Variants in SERGEF observed in about 807,000 individuals in gnomAD.
The protein encoded by SERGEF is secretion regulating guanine nucleotide exchange factor.
Under a neutral mutation model 50.0 loss-of-function variants are expected in SERGEF, and 51 were observed. The ratio of observed to expected loss-of-function variants is 1.02; its 90% CI spans 0.81 to 1.29. The LOEUF (loss-of-function observed/expected upper bound fraction) is 1.29. Ranked by LOEUF, SERGEF falls within the 50% of genes most tolerant of loss-of-function variation. The pLI is 0.00. For missense variants in SERGEF, 521 were observed against 557.0 expected (o/e 0.94, Z 0.65); for synonymous variants, 205 against 212.4 (o/e 0.97, Z 0.30).
intron 9 of SERGEF, chr11:17,918,621 A>G (rs976926875): frequency 1.6e-5 from 3 of 182,396 alleles, no homozygotes; most frequent in South Asian, 8.2e-5. Flanking sequence ...ATAAAGCAGG[A>G]ACAGACACAC....
At chr11:18,005,262 T>C (rs553198400) in intron 3 of SERGEF, among the ~76,000 whole-genome samples, 4 of 152,222 alleles carry the variant, frequency 2.6e-5, no homozygotes, top group Admixed American at 6.5e-5. Context: ...TTATAAATGA[T>C]AGTTATTGTT....
chr11:17,949,271 A>T (rs1183957673), intron 9 of SERGEF, among the ~76,000 whole-genome samples: 1 of 152,158 alleles, frequency 6.6e-6, no homozygotes, highest in Admixed American at 6.5e-5. Context: ...TTTGGGGAAG[A>T]TGGGGAACTA....
chr11:17,841,950 T>A (rs990506964), intron 10 of SERGEF, among the ~76,000 whole-genome samples: 1 of 152,216 alleles, frequency 6.6e-6, no homozygotes, highest in African/African-American at 2.4e-5. Flanking sequence ...CAGATGTCAA[T>A]TCCTCAGCAA....
In SERGEF at chr11:17,985,798, C is replaced by T. The variant is rs1194378989; in HGVS notation, c.844+2799G>A. ...GACAATCTATAAAGTTATTCTGATACCATGTGAACTGCCTTAGCTAAGCAC... is the reference window on the plus strand; with the variant it reads ...GACAATCTATAAAGTTATTCTGATATCATGTGAACTGCCTTAGCTAAGCAC... On this transcript the variant is annotated intron_variant, in intron 8 of 10. Coordinates refer to ENST00000265965, the MANE Select transcript of SERGEF (RefSeq NM_012139.4). Among the ~76,000 whole-genome samples the T allele has an allele frequency of 3.3e-5, 5 of 152,298 alleles. No homozygotes were observed. In the East Asian group the frequency reaches 9.6e-4, roughly 29 times the overall value.
chr11:17,980,016 T>C (rs1290850838), intron 8 of SERGEF, among the ~76,000 whole-genome samples: 2 of 152,052 alleles, frequency 1.3e-5, no homozygotes, highest in African/African-American at 4.8e-5. Flanking sequence ...TCTACTCCAA[T>C]TCACCCTGAA....
chr11:17,985,749 G>C (rs1340420957), intron 8 of SERGEF, among the ~76,000 whole-genome samples: 1 of 152,206 alleles, frequency 6.6e-6, no homozygotes, highest in Non-Finnish European at 1.5e-5. Flanking sequence ...GGAGGGCAGA[G>C]AACACATCCC....
intron 10 of SERGEF, among the ~76,000 whole-genome samples, chr11:17,806,478 G>A (rs1362793842): frequency 6.6e-6 from 1 of 152,174 alleles, no homozygotes; most frequent in Non-Finnish European, 1.5e-5. Context: ...AGAAGCTGAG[G>A]CTTAGCTGAG....
chr11:17,985,780 T>G (rs564716096), intron 8 of SERGEF, among the ~76,000 whole-genome samples: 1 of 152,182 alleles, frequency 6.6e-6, no homozygotes, highest in Non-Finnish European at 1.5e-5. Context: ...ACAGACAATC[T>G]ATAAAGTTAT....
At chr11:17,917,608 A>G (rs532956334) in intron 9 of SERGEF, among the ~76,000 whole-genome samples, 1 of 152,360 alleles carries the variant, frequency 6.6e-6, no homozygotes, top group South Asian at 2.1e-4. Flanking sequence ...CAAATTCTCA[A>G]GCTCCACTCC....
chr11:17,917,497 T>C (rs1852071222), intron 9 of SERGEF, among the ~76,000 whole-genome samples: 1 of 152,040 alleles, frequency 6.6e-6, no homozygotes, highest in African/African-American at 2.4e-5. Flanking sequence ...GTCTCAAAAA[T>C]CACACAATCA....
chr11:17,948,975 G>GCCCCCAC (rs1462502488), intron 9 of SERGEF, among the ~76,000 whole-genome samples: 4 of 152,250 alleles, frequency 2.6e-5, no homozygotes, highest in African/African-American at 9.6e-5. Flanking sequence ...GCCACCACTG[G>GCCCCCAC]CAGTGTCCCC....
At chr11:17,937,934 G>T (rs1852486068) in intron 9 of SERGEF, among the ~76,000 whole-genome samples, 1 of 152,142 alleles carries the variant, frequency 6.6e-6, no homozygotes, top group South Asian at 2.1e-4. Context: ...ATGCTCAGTG[G>T]TACATACTAT....
At chr11:17,912,164 G>C (rs1268915968) in intron 9 of SERGEF, among the ~76,000 whole-genome samples, 1 of 152,158 alleles carries the variant, frequency 6.6e-6, no homozygotes, top group Non-Finnish European at 1.5e-5. Flanking sequence ...GTATAGAAGA[G>C]AAGAAGAGAA....
intron 10 of SERGEF, among the ~76,000 whole-genome samples, chr11:17,857,471 G>T (rs1004729560): frequency 3.9e-5 from 6 of 152,166 alleles, no homozygotes; most frequent in Admixed American, 3.9e-4. Context: ...TCGCCATTTG[G>T]CAAAATTAAA....
chr11:17,903,877 G>T (rs1851791975), intron 9 of SERGEF, among the ~76,000 whole-genome samples: 1 of 152,202 alleles, frequency 6.6e-6, no homozygotes, highest in African/African-American at 2.4e-5. Context: ...AGGGAAAGGG[G>T]AGTCTCCACT....
At chr11:17,951,937 A>C (rs1358770355) in intron 9 of SERGEF, among the ~76,000 whole-genome samples, 1 of 152,196 alleles carries the variant, frequency 6.6e-6, no homozygotes, top group Non-Finnish European at 1.5e-5. Flanking sequence ...ATTACAGAGT[A>C]AAGTGAACTA....
rs118159087 is a variant in SERGEF, at chr11:17,800,779, G to A, written c.1049-12366C>T. Among the ~76,000 whole-genome samples the A allele has an allele frequency of 1.6e-3, 241 of 152,288 alleles. 1 individual carries two copies. In the Middle Eastern group the frequency reaches 0.017, roughly 11 times the overall value. ...CCATATCTGTGGGAAGAACTTGGCA[G>A]GCAGAAGAAATGACAATACAAAGGC... On this transcript the variant is annotated intron_variant, in intron 10 of 10. Coordinates refer to ENST00000265965, the MANE Select transcript of SERGEF (RefSeq NM_012139.4).
At chr11:17,919,945 T>TA (rs58325345) in intron 9 of SERGEF, among the ~76,000 whole-genome samples, 20,408 of 114,098 alleles carry the variant, frequency 0.18, 1,541 homozygotes, top group Middle Eastern at 0.29. Flanking sequence ...AAACTCCATC[T>TA]AAAAAAAAAA....
At chr11:17,861,102 C>T (rs1850919113) in intron 10 of SERGEF, among the ~76,000 whole-genome samples, 1 of 152,156 alleles carries the variant, frequency 6.6e-6, no homozygotes, top group Non-Finnish European at 1.5e-5. Flanking sequence ...AAGAACATTT[C>T]CAGTAATGCA....
Sources: allele counts gnomAD v4.1 joint callset (sites outside exome capture counted in the v4.1 genomes callset), GRCh38; gene constraint gnomAD v4.1.1; transcripts MANE v1.5; gene names NCBI Gene and HGNC (gene_info 2026-07-23, HGNC 2026-07-21).